Variants in ATRNL1 observed in about 807,000 individuals in gnomAD.
ATRNL1 encodes the protein attractin-like protein 1.
In ATRNL1, 95 loss-of-function variants were observed where a neutral mutation model predicts 182.7. That is an observed-to-expected ratio of 0.52 (90% CI 0.44 to 0.62). The LOEUF (loss-of-function observed/expected upper bound fraction) is 0.62. Among genes scored for constraint, ATRNL1 ranks in the 20% least tolerant of loss-of-function variants. The pLI, the probability that ATRNL1 is intolerant of heterozygous loss-of-function variation, is 0.00. For missense variants in ATRNL1, 1,471 were observed against 1,679.5 expected, an observed-to-expected ratio of 0.88 and a Z score of 2.17; for synonymous variants, 576 against 568.3, an observed-to-expected ratio of 1.01 and a Z score of -0.19.
intron 24 of ATRNL1, among the ~76,000 whole-genome samples, chr10:115,508,041 G>A (rs1473269847): frequency 6.6e-6 from 1 of 152,006 alleles, no homozygotes; most frequent in Admixed American, 6.6e-5. Context: ...GGTTAAGCAA[G>A]TCTGTTCGTG....
At chr10:115,364,772 G>A (rs1256476047) in intron 19 of ATRNL1, among the ~76,000 whole-genome samples, 1 of 151,872 alleles carries the variant, frequency 6.6e-6, no homozygotes, top group Non-Finnish European at 1.5e-5. Context: ...CATCTATTGA[G>A]ATAATAATGT....
chr10:115,464,184 T>C (rs1554970368), intron 22 of ATRNL1, among the ~76,000 whole-genome samples: 1 of 152,062 alleles, frequency 6.6e-6, no homozygotes, highest in Admixed American at 6.6e-5. Context: ...CTAAGAATTC[T>C]TATAATATCA....
chr10:115,222,533 C>T (rs1436919488), intron 9 of ATRNL1, among the ~76,000 whole-genome samples: 1 of 152,032 alleles, frequency 6.6e-6, no homozygotes, highest in African/African-American at 2.4e-5. Flanking sequence ...AAAACCAAAA[C>T]ATGAAGACAA....
At chr10:115,858,245 T>A (rs953897562) in intron 28 of ATRNL1, among the ~76,000 whole-genome samples, 7 of 152,358 alleles carry the variant, frequency 4.6e-5, no homozygotes, top group African/African-American at 1.7e-4. Context: ...TGCACGCATA[T>A]GTTCATTGCA....
intron 27 of ATRNL1, among the ~76,000 whole-genome samples, chr10:115,747,427 G>A (rs1555069446): frequency 6.6e-6 from 1 of 152,046 alleles, no homozygotes; most frequent in Non-Finnish European, 1.5e-5. Context: ...AAACTGGATC[G>A]ATAACTCAGT....
intron 25 of ATRNL1, among the ~76,000 whole-genome samples, chr10:115,547,760 T>G (rs1852752411): frequency 6.6e-6 from 1 of 152,168 alleles, no homozygotes; most frequent in African/African-American, 2.4e-5. Context: ...GTATTGTCAA[T>G]TGAGAAGTTA....
intron 26 of ATRNL1, among the ~76,000 whole-genome samples, chr10:115,570,881 G>T (rs1321635004): frequency 2.4e-4 from 36 of 152,140 alleles, no homozygotes; most frequent in Admixed American, 2.4e-3. Flanking sequence ...CCTCAGTTAG[G>T]ACTCCACGTG....
intron 19 of ATRNL1, among the ~76,000 whole-genome samples, chr10:115,360,437 G>A (rs1355684755): frequency 6.6e-5 from 10 of 151,522 alleles, no homozygotes; most frequent in African/African-American, 2.4e-4. Flanking sequence ...TAAACTTAAG[G>A]TCTCTTTACC....
At chr10:115,152,337 C>T (rs117297026) in intron 5 of ATRNL1, among the ~76,000 whole-genome samples, 1 of 152,166 alleles carries the variant, frequency 6.6e-6, no homozygotes, top group East Asian at 1.9e-4. Context: ...TTGATTCTCC[C>T]TGTCCACGAG....
intron 26 of ATRNL1, among the ~76,000 whole-genome samples, chr10:115,565,184 C>T (rs971369370): frequency 1.3e-5 from 2 of 151,918 alleles, no homozygotes; most frequent in Non-Finnish European, 2.9e-5. Context: ...CTACATGGCT[C>T]TAACTCAAGT....
intron 15 of ATRNL1, among the ~76,000 whole-genome samples, chr10:115,290,657 C>G (rs1193789751): frequency 6.6e-6 from 1 of 151,784 alleles, no homozygotes; most frequent in African/African-American, 2.4e-5. Flanking sequence ...ACTGCAGCCC[C>G]CCACCCCCGT....
intron 27 of ATRNL1, among the ~76,000 whole-genome samples, chr10:115,728,720 A>C (rs576136684): frequency 6.6e-6 from 1 of 152,194 alleles, no homozygotes; most frequent in African/African-American, 2.4e-5. Flanking sequence ...ATGTTTCCCT[A>C]TGATTTTTAA....
chr10:115,220,089 A>G (rs1030697573), intron 9 of ATRNL1, among the ~76,000 whole-genome samples: 9 of 152,156 alleles, frequency 5.9e-5, no homozygotes, highest in Non-Finnish European at 1.0e-4. Flanking sequence ...ATCCTCTGCT[A>G]TTTCATCAAT....
At chr10:115,751,601 C>T (rs999209398) in intron 27 of ATRNL1, among the ~76,000 whole-genome samples, 1 of 151,920 alleles carries the variant, frequency 6.6e-6, no homozygotes, top group Non-Finnish European at 1.5e-5. Context: ...TTTTTCAGCC[C>T]TATTTGTAAT....
rs143504465 is a variant in ATRNL1, at chr10:115,189,579, A to G, written c.1348+18287A>G. 1.2e-4 allele frequency among the ~76,000 whole-genome samples: 19 copies of G among 152,216 alleles called. No homozygotes were observed. The East Asian group carries it at 3.5e-3, about 28-fold the overall frequency. ...ATTTTAAAAAATAAAAAGTGAAAAA[A>G]TAGGAAAAAGCTTATATAATAAGGA... On this transcript the variant is annotated intron_variant, in intron 8 of 28. Coordinates refer to ENST00000355044, the MANE Select transcript of ATRNL1 (RefSeq NM_207303.4).
At chr10:115,551,379 T>C (rs1852976073) in intron 26 of ATRNL1, among the ~76,000 whole-genome samples, 1 of 151,484 alleles carries the variant, frequency 6.6e-6, no homozygotes, top group Non-Finnish European at 1.5e-5. Flanking sequence ...AATCTTTCAA[T>C]ATATGTGGTA....
chr10:115,380,763 A>G (rs1554950853), intron 19 of ATRNL1, among the ~76,000 whole-genome samples: 9 of 152,162 alleles, frequency 5.9e-5, no homozygotes, highest in South Asian at 2.1e-4. Context: ...AAATATGGCT[A>G]TATCATATTT....
intron 28 of ATRNL1, among the ~76,000 whole-genome samples, chr10:115,924,007 A>G (rs1555119334): frequency 1.3e-5 from 2 of 152,136 alleles, no homozygotes; most frequent in African/African-American, 4.8e-5. Context: ...ATGATCAGTG[A>G]TGTTGAGCTT....
chr10:115,609,832 A>G (rs1264681683), intron 26 of ATRNL1, among the ~76,000 whole-genome samples: 8 of 152,112 alleles, frequency 5.3e-5, no homozygotes, highest in South Asian at 4.1e-4. Context: ...GCGTCCATAG[A>G]TCCCTCAACA....
Sources: gnomAD v4.1 joint callset for allele counts (sites outside exome capture counted in the v4.1 genomes callset) on GRCh38, gnomAD v4.1.1 for gene constraint, MANE v1.5 for transcripts, NCBI Gene and HGNC (gene_info 2026-07-23, HGNC 2026-07-21) for gene names.